The following RNF115 variants were observed in gnomAD, a reference collection of about 807,000 sequenced individuals.
The protein encoded by RNF115 is ring finger protein 115, also known as E3 ubiquitin-protein ligase RNF115.
In RNF115, 31 loss-of-function variants were observed where a neutral mutation model predicts 39.2. That is an observed-to-expected ratio of 0.79 (90% CI 0.59 to 1.07). RNF115 has a LOEUF of 1.07. Ranked by LOEUF, RNF115 falls within the 50% of genes least tolerant of loss-of-function variation. The pLI, the probability that RNF115 is intolerant of heterozygous loss-of-function variation, is 0.00. For synonymous variants in RNF115, 124 were observed against 131.0 expected (o/e 0.95, Z 0.37); for missense variants, 384 against 381.7 (o/e 1.01, Z -0.05).
intron 4 of RNF115, among the ~76,000 whole-genome samples, chr1:145,769,803 A>C (rs927097223): frequency 8.6e-5 from 13 of 151,822 alleles, no homozygotes; most frequent in African/African-American, 2.7e-4. Context: ...CAACTCCAAT[A>C]ATGTGTTAAG....
intron 4 of RNF115, among the ~76,000 whole-genome samples, chr1:145,760,470 G>C (rs1480360836): frequency 2.0e-5 from 3 of 152,248 alleles, no homozygotes; most frequent in African/African-American, 4.8e-5. Context: ...GGGACCCTGG[G>C]GGAGGTAATT....
intron 4 of RNF115, among the ~76,000 whole-genome samples, chr1:145,753,567 T>C (rs1211130079): frequency 6.6e-6 from 1 of 152,158 alleles, no homozygotes; most frequent in African/African-American, 2.4e-5. Flanking sequence ...TGCTTAGCAT[T>C]TGTCACTCTG....
intron 3 of RNF115, among the ~76,000 whole-genome samples, chr1:145,778,127 A>T (rs1439624421): frequency 6.6e-6 from 1 of 152,244 alleles, no homozygotes; most frequent in Non-Finnish European, 1.5e-5. Flanking sequence ...TGGAATATCC[A>T]TACCATGTAG....
intron 1 of RNF115, among the ~76,000 whole-genome samples, chr1:145,815,976 CTAAA>C (rs1559134433): frequency 7.1e-6 from 1 of 140,496 alleles, no homozygotes; most frequent in African/African-American, 2.6e-5. Flanking sequence ...AACAATGCCA[CTAAA>C]TATGTTTTCA....
intron 1 of RNF115, among the ~76,000 whole-genome samples, chr1:145,809,666 G>C (rs1649612716): frequency 1.9e-5 from 2 of 103,578 alleles, no homozygotes; most frequent in Admixed American, 1.1e-4. Context: ...GGCTAATTTT[G>C]TATTTTTAGT....
chr1:145,794,123 C>G (rs1303974479), intron 1 of RNF115, among the ~76,000 whole-genome samples: 3 of 152,176 alleles, frequency 2.0e-5, no homozygotes, highest in Admixed American at 6.5e-5. Flanking sequence ...GAATTACAGG[C>G]GTGAGCCACC....
chr1:145,780,392 G>A (rs1312287983), intron 3 of RNF115, among the ~76,000 whole-genome samples: 12 of 151,960 alleles, frequency 7.9e-5, no homozygotes, highest in East Asian at 1.9e-4. Context: ...AGACCAAGGC[G>A]GGCAGATCAC....
At chr1:145,778,004 A>C (rs1647959875) in intron 3 of RNF115, among the ~76,000 whole-genome samples, 1 of 152,216 alleles carries the variant, frequency 6.6e-6, no homozygotes, top group Admixed American at 6.5e-5. Context: ...AAAATTAAAA[A>C]CATATGATCA....
chr1:145,783,117 C>T (rs1222955039), intron 3 of RNF115, among the ~76,000 whole-genome samples: 3 of 152,192 alleles, frequency 2.0e-5, no homozygotes, highest in African/African-American at 7.2e-5. Flanking sequence ...CTCACCTCGG[C>T]CTCCCAAAGT....
chr1:145,753,618 T>C lies in RNF115; in HGVS notation c.429-569A>G, dbSNP rs587628476. 2.3e-3 allele frequency among the ~76,000 whole-genome samples: 348 copies of C among 152,346 alleles called. 3 individuals are homozygous for C. Among genetic ancestry groups the C allele is most frequent in the Middle Eastern group, 6.8e-3 (2 of 294 alleles). On this transcript the variant is annotated intron_variant, in intron 4 of 8. Transcript: ENST00000582693. ...ACAGGTACACAGTTCTTTACACGAA[T>C]GAGTCTTTGTTACCCAAAGAGATAC...
intron 4 of RNF115, among the ~76,000 whole-genome samples, chr1:145,769,108 T>C (rs1647521493): frequency 6.6e-6 from 1 of 152,204 alleles, no homozygotes; most frequent in Admixed American, 6.5e-5. Flanking sequence ...TAAATAGTTA[T>C]ACTAAAATTT....
intron 7 of RNF115, among the ~76,000 whole-genome samples, chr1:145,748,887 A>G (rs1553712100): frequency 6.6e-6 from 1 of 151,540 alleles, no homozygotes. Flanking sequence ...CTGTCTCAAA[A>G]AAAAAAAAAA....
In RNF115 at chr1:145,746,819, A is replaced by G. The variant is rs1430348744; in HGVS notation, c.*47T>C. ...TTTTGTTTTGATACAATTTACAGCT[A>G]TGGTAAGATGATTACCACAGCCCTG... On this transcript the variant is annotated 3_prime_UTR_variant, in exon 9 of 9. Coordinates refer to ENST00000582693, the MANE Select transcript of RNF115 (RefSeq NM_014455.4). 24 of 1,587,968 alleles carry G rather than the reference A, an allele frequency of 1.5e-5. No homozygotes were observed. The highest frequency in any genetic ancestry group is 1.8e-5 in the Non-Finnish European group (21 of 1,162,492).
At chr1:145,805,274 T>C (rs368366171) in intron 1 of RNF115, among the ~76,000 whole-genome samples, 6 of 152,210 alleles carry the variant, frequency 3.9e-5, no homozygotes, top group South Asian at 4.1e-4. Flanking sequence ...TACAAACTGG[T>C]TGTTAACAGT....
intron 4 of RNF115, among the ~76,000 whole-genome samples, chr1:145,768,744 G>A (rs1265328941): frequency 6.6e-6 from 1 of 152,158 alleles, no homozygotes; most frequent in Admixed American, 6.5e-5. Flanking sequence ...ACTGTTATCA[G>A]GAAGAAGCCA....
intron 1 of RNF115, among the ~76,000 whole-genome samples, chr1:145,817,627 G>T: frequency 8.6e-6 from 1 of 116,718 alleles, no homozygotes. Flanking sequence ...TTTAGGTTTG[G>T]GGGCACATAT....
intron 4 of RNF115, among the ~76,000 whole-genome samples, chr1:145,769,209 C>T (rs1354210749): frequency 6.6e-6 from 1 of 152,178 alleles, no homozygotes; most frequent in Non-Finnish European, 1.5e-5. Flanking sequence ...TGCCTTTATA[C>T]TCTTAGACAA....
rs978650062 is a variant in RNF115 at position 145,764,260 on chromosome 1, G to A, written c.428+7451C>T. On this transcript the variant is annotated intron_variant, in intron 4 of 8. Transcript: ENST00000582693. ...GAGTGCAGTGGCTTGATCTCGGCTC[G>A]CTACAACCTCCACCTCCCAGCCGCC... Among the ~76,000 whole-genome samples, 79 of 152,272 alleles carry A rather than the reference G, an allele frequency of 5.2e-4. 1 individual carries two copies. In the East Asian group the frequency reaches 0.01, roughly 20 times the overall value.
chr1:145,780,850 A>G (rs1246104356), intron 3 of RNF115, among the ~76,000 whole-genome samples: 1 of 152,112 alleles, frequency 6.6e-6, no homozygotes, highest in Non-Finnish European at 1.5e-5. Context: ...CCACTCTTGC[A>G]CTGAAGCAAT....
Sources: gnomAD v4.1 joint callset for allele counts (sites outside exome capture counted in the v4.1 genomes callset) on GRCh38, gnomAD v4.1.1 for gene constraint, MANE v1.5 for transcripts, NCBI Gene and HGNC (gene_info 2026-07-23, HGNC 2026-07-21) for gene names.